Variants in CEP83 observed in about 807,000 individuals in gnomAD.
CEP83 encodes centrosomal protein of 83 kDa.
In CEP83, 70 loss-of-function variants were observed where a neutral mutation model predicts 101.9. That is an observed-to-expected ratio of 0.69 (90% CI 0.57 to 0.84). The LOEUF is 0.84. Among genes scored for constraint, CEP83 ranks in the 40% least tolerant of loss-of-function variants. The pLI is 0.00. For missense variants in CEP83, 715 were observed against 787.2 expected, an observed-to-expected ratio of 0.91 and a Z score of 1.10; for synonymous variants, 264 against 267.9, an observed-to-expected ratio of 0.99 and a Z score of 0.14.
intron 2 of CEP83, among the ~76,000 whole-genome samples, chr12:94,413,819 AATAC>A (rs1209964911): frequency 1.2e-4 from 16 of 134,528 alleles, no homozygotes; most frequent in Admixed American, 3.2e-4. Context: ...CTAGTCCCAT[AATAC>A]ATACACACAC....
At chr12:94,302,936 C>T (rs1968613606), downstream of CEP83, among the ~76,000 whole-genome samples, 1 of 152,124 alleles carries the variant, frequency 6.6e-6, no homozygotes, top group Non-Finnish European at 1.5e-5. Context: ...TTAAATTTGA[C>T]AAATGAGAAA....
chr12:94,281,722 A>T, the CEP83 span: 1 of 152,922 alleles, frequency 6.5e-6, no homozygotes, highest in African/African-American at 2.4e-5. Flanking sequence ...TGTCCAGCCT[A>T]TGTGCAATCT....
intron 6 of CEP83, among the ~76,000 whole-genome samples, chr12:94,387,867 A>G (rs1194490731): frequency 6.6e-6 from 1 of 152,226 alleles, no homozygotes; most frequent in Non-Finnish European, 1.5e-5. Context: ...TGCAAATTAA[A>G]AAACACAATG....
At chr12:94,298,945 T>G in the CEP83 span, 1 of 696,882 alleles carries the variant, frequency 1.4e-6, no homozygotes, top group Non-Finnish European at 2.3e-6. Context: ...TAGTTTCTTA[T>G]TCTGTTACTA....
intron 2 of CEP83, among the ~76,000 whole-genome samples, chr12:94,419,143 G>A (rs2064516517): frequency 6.6e-6 from 1 of 151,954 alleles, no homozygotes; most frequent in Admixed American, 6.6e-5. Flanking sequence ...GAAAAAGCAA[G>A]TTAGCAAGAT....
chr12:94,441,412 T>C (rs975642573), intron 1 of CEP83, among the ~76,000 whole-genome samples: 7 of 152,050 alleles, frequency 4.6e-5, no homozygotes, highest in Non-Finnish European at 1.0e-4. Context: ...CCAACAGACA[T>C]ATGAAAAAAT....
At chr12:94,302,017 T>C (rs926347919), downstream of CEP83, among the ~76,000 whole-genome samples, 1 of 152,202 alleles carries the variant, frequency 6.6e-6, no homozygotes, top group Non-Finnish European at 1.5e-5. Context: ...GCTTCCTAAT[T>C]GGTGTCCTTG....
At chr12:94,356,554 A>G (rs1209918302) in intron 11 of CEP83, among the ~76,000 whole-genome samples, 1 of 152,246 alleles carries the variant, frequency 6.6e-6, no homozygotes, top group Non-Finnish European at 1.5e-5. Context: ...AGGGTGATTT[A>G]GAGGCTTGGC....
rs1360164674 is a variant in CEP83 at position 94,450,622 on chromosome 12, A to C, written c.-155+8935T>G. On this transcript the variant is annotated intron_variant, in intron 1 of 16. Transcript: ENST00000397809. ...TGAAAACTCCATTTCCAAGAGCATCAAAATTATAACAGTCTTAGGAATAAA... is the reference window on the plus strand; with the variant it reads ...TGAAAACTCCATTTCCAAGAGCATCCAAATTATAACAGTCTTAGGAATAAA... Among the ~76,000 whole-genome samples, 4 of 152,256 alleles carry C rather than the reference A, an allele frequency of 2.6e-5. No homozygotes were observed. In the East Asian group the frequency reaches 5.8e-4, roughly 22 times the overall value.
the CEP83 span, among the ~76,000 whole-genome samples, chr12:94,291,514 A>T: frequency 1.3e-5 from 2 of 152,190 alleles, no homozygotes; most frequent in African/African-American, 4.8e-5. Context: ...TACAGTCATG[A>T]ACCACTGTGT....
chr12:94,425,137 T>TG (rs1278472930), intron 2 of CEP83, among the ~76,000 whole-genome samples: 1 of 145,536 alleles, frequency 6.9e-6, no homozygotes, highest in Non-Finnish European at 1.5e-5. Flanking sequence ...AGGAGAGAGA[T>TG]GAAGGGGGGC....
At chr12:94,357,132 T>G (rs2060515714) in intron 11 of CEP83, among the ~76,000 whole-genome samples, 1 of 152,192 alleles carries the variant, frequency 6.6e-6, no homozygotes, top group East Asian at 1.9e-4. Flanking sequence ...GTGTTGCAGT[T>G]ATTAGCTTTC....
intron 14 of CEP83, among the ~76,000 whole-genome samples, chr12:94,314,040 C>A (rs994987274): frequency 6.6e-5 from 10 of 152,024 alleles, no homozygotes; most frequent in Admixed American, 6.6e-4. Flanking sequence ...CTAAGTAAAT[C>A]TTGTATGGTT....
chr12:94,335,905 C>A (rs1482656002), intron 11 of CEP83: 8 of 419,216 alleles, frequency 1.9e-5, no homozygotes, highest in African/African-American at 1.7e-4. Flanking sequence ...TCAAGTCTGT[C>A]CAGGGGTACT....
intron 16 of CEP83, among the ~76,000 whole-genome samples, 162 bp downstream of exon 16, chr12:94,309,756 G>GA (rs1281596318): frequency 3.3e-5 from 5 of 152,180 alleles, no homozygotes; most frequent in African/African-American, 1.2e-4. Flanking sequence ...TATGCTAAAT[G>GA]AAAGGGAAGA....
chr12:94,421,909 A>T (rs953830298), intron 2 of CEP83, among the ~76,000 whole-genome samples: 1 of 152,236 alleles, frequency 6.6e-6, no homozygotes, highest in African/African-American at 2.4e-5. Flanking sequence ...CTCTCTTAGA[A>T]GCAAAATTTA....
the CEP83 span, chr12:94,298,724 CT>C: frequency 6.2e-7 from 1 of 1,612,696 alleles, no homozygotes; most frequent in Non-Finnish European, 8.5e-7. Flanking sequence ...ACTTTTTTGA[CT>C]TTTTGGACGC....
chr12:94,410,111 G>T (rs2063787474), intron 4 of CEP83, among the ~76,000 whole-genome samples: 1 of 152,152 alleles, frequency 6.6e-6, no homozygotes, highest in Non-Finnish European at 1.5e-5. Flanking sequence ...TGCAATATAT[G>T]AACAACAATC....
At chr12:94,449,870 C>A (rs2067120537) in intron 1 of CEP83, among the ~76,000 whole-genome samples, 1 of 141,564 alleles carries the variant, frequency 7.1e-6, no homozygotes, top group Non-Finnish European at 1.5e-5. Flanking sequence ...TAATCTCCAA[C>A]AATCAATTAA....
Sources: gnomAD v4.1 joint callset for allele counts (sites outside exome capture counted in the v4.1 genomes callset) on GRCh38, gnomAD v4.1.1 for gene constraint, MANE v1.5 for transcripts, NCBI Gene and HGNC (gene_info 2026-07-23, HGNC 2026-07-21) for gene names.